COQ9: variants seen among roughly 807,000 people sequenced by gnomAD.
The protein encoded by COQ9 is ubiquinone biosynthesis protein COQ9, mitochondrial.
Under a neutral mutation model 42.4 loss-of-function variants are expected in COQ9, and 35 were observed. The observed-to-expected ratio is 0.83, with a 90% CI of 0.63 to 1.10. COQ9 has a LOEUF of 1.10. Among genes scored for constraint, COQ9 ranks in the 50% least tolerant of loss-of-function variants. The pLI is 0.00. For missense variants in COQ9, 406 were observed against 414.6 expected (o/e 0.98, Z 0.18); for synonymous variants, 155 against 155.1 (o/e 1.00, Z 0.00).
At chr16:57,454,073 C>T (rs2030348061) in intron 3 of COQ9, 1 of 152,140 alleles carries the variant, frequency 6.6e-6, no homozygotes, top group South Asian at 2.1e-4. Context: ...AATGGAGGGA[C>T]CCGATCATTA....
rs374849533 is a variant in COQ9 at position 57,459,760 on chromosome 16, G to C, written c.867+40G>C. ...GCCATTGGGGAACCCTCTTTAGAAGGCATACCTATTCTCCTCAGGTCACAG... is the reference window on the plus strand; with the variant it reads ...GCCATTGGGGAACCCTCTTTAGAAGCCATACCTATTCTCCTCAGGTCACAG... On this transcript the variant is annotated intron_variant, in intron 7 of 8. Coordinates refer to ENST00000262507, the MANE Select transcript of COQ9 (RefSeq NM_020312.4). 740 of 1,609,116 alleles carry C rather than the reference G, an allele frequency of 4.6e-4. 1 individual carries two copies. The highest frequency in any genetic ancestry group is 5.8e-4 in the Non-Finnish European group (680 of 1,175,682).
At chr16:57,457,174 A>T (rs775248682) in intron 5 of COQ9, 159 bp downstream of exon 5, 3 of 714,640 alleles carry the variant, frequency 4.2e-6, no homozygotes, top group Non-Finnish European at 7.6e-6. Flanking sequence ...CTGGGTTTCA[A>T]ACTTGGACAT....
At chr16:57,450,071 C>T (rs1241760306) in intron 1 of COQ9, among the ~76,000 whole-genome samples, 4 of 152,172 alleles carry the variant, frequency 2.6e-5, no homozygotes, top group Admixed American at 2.6e-4. Context: ...AACCTAGTGG[C>T]AGATATACAG....
rs1435279159 is a variant in COQ9 at position 57,458,272 on chromosome 16, C to T, written c.633C>T (p.His211=). 1 of 1,612,204 alleles carries T rather than the reference C, an allele frequency of 6.2e-7. No individual in the cohort carries two copies. The highest frequency in any genetic ancestry group is 8.5e-7 in the Non-Finnish European group (1 of 1,179,318). Reference sequence around the variant, plus strand: ...CCCTCAGCATCCTCATGCTCCCTCACAACATCCCGTCCAGCCTGAGCCTGC... The same window carrying T: ...CCCTCAGCATCCTCATGCTCCCTCATAACATCCCGTCCAGCCTGAGCCTGC... The part of the protein sequence containing the change: ...PRALSILMLP[H]NIPSSLSLLT... The change falls in exon 6 of 9, where the codon CAC becomes CAT. Residue 211 remains histidine (H), a synonymous_variant. Coordinates refer to ENST00000262507, the MANE Select transcript of COQ9 (RefSeq NM_020312.4).
intron 1 of COQ9, among the ~76,000 whole-genome samples, chr16:57,449,736 C>T (rs546109192): frequency 6.6e-6 from 1 of 152,152 alleles, no homozygotes; most frequent in East Asian, 1.9e-4. Context: ...AAAACTAAGA[C>T]AAGCAAAAAC....
chr16:57,459,147 A>T (rs926674013), intron 6 of COQ9, among the ~76,000 whole-genome samples: 2 of 152,166 alleles, frequency 1.3e-5, no homozygotes, highest in Non-Finnish European at 2.9e-5. Context: ...TCTGTCCATG[A>T]GCCTCTCTCA....
chr16:57,456,706 A>G, intron 4 of COQ9, 60 bp downstream of exon 4: 5 of 1,579,160 alleles, frequency 3.2e-6, no homozygotes, highest in Non-Finnish European at 4.3e-6. Flanking sequence ...CTTGGGCCCT[A>G]CCAGCTATGC....
chr16:57,456,280 T>C, intron 3 of COQ9: 2 of 564,478 alleles, frequency 3.5e-6, no homozygotes, highest in East Asian at 6.4e-5. Context: ...CCTGAGCTAG[T>C]CTCTGTGAAC....
rs762508784 is a variant in COQ9 at position 57,451,199 on chromosome 16, C to A, written c.233C>A (p.Ser78Ter). 1.2e-6 allele frequency: 2 copies of A among 1,614,216 alleles called. No individual in the cohort carries two copies. Among genetic ancestry groups the A allele is most frequent in the Non-Finnish European group, 1.7e-6 (2 of 1,180,038 alleles). The part of the protein sequence containing the change: ...AEKPDPESSH[S>*]PPRYTDQGGE... ...AAACCTGATCCAGAGTCTTCTCATT[C>A]ACCCCCCAGGTAGGCACCAATCCAC... The change falls in exon 2 of 9, where the codon TCA becomes TAA. Residue 78 changes from serine to a stop codon, truncating the protein, a stop_gained. Transcript: ENST00000262507. LOFTEE classifies it high-confidence loss of function.
intron 6 of COQ9, among the ~76,000 whole-genome samples, chr16:57,459,150 C>G (rs1325268879): frequency 6.6e-6 from 1 of 152,190 alleles, no homozygotes; most frequent in Non-Finnish European, 1.5e-5. Flanking sequence ...GTCCATGAGC[C>G]TCTCTCAGCC....
intron 5 of COQ9, 159 bp downstream of exon 5, chr16:57,457,174 A>G (rs775248682): frequency 3.1e-5 from 22 of 714,522 alleles, no homozygotes; most frequent in Non-Finnish European, 4.8e-5. Flanking sequence ...CTGGGTTTCA[A>G]ACTTGGACAT....
intron 5 of COQ9, chr16:57,457,427 T>A (rs2030431690): frequency 5.9e-6 from 2 of 339,948 alleles, no homozygotes; most frequent in Admixed American, 8.3e-5. Context: ...GTCAATGTGA[T>A]GCTTGGGGAC....
In COQ9 at chr16:57,461,254, A is replaced by C. The variant is rs886052184; in HGVS notation, c.*630A>C. 2 of 430,014 alleles carry C rather than the reference A, an allele frequency of 4.7e-6. No homozygotes were observed. Among genetic ancestry groups the C allele is most frequent in the East Asian group, 1.5e-4 (2 of 13,718 alleles). 26.6% of individuals were successfully genotyped at this position (430,014 alleles called of 1,614,324 possible). A position where few individuals can be genotyped will look rare whatever the true frequency, so the allele number is the denominator to read the frequency against. On this transcript the variant is annotated 3_prime_UTR_variant, in exon 9 of 9. Coordinates refer to ENST00000262507, the MANE Select transcript of COQ9 (RefSeq NM_020312.4). Reference sequence around the variant, plus strand: ...TATTTTGAGTCTGTAAAAATAATAAATATGTTTGAAGTAGTTTCCCATTGT... The same window carrying C: ...TATTTTGAGTCTGTAAAAATAATAACTATGTTTGAAGTAGTTTCCCATTGT...
chr16:57,455,375 A>AGT (rs2030377774), intron 3 of COQ9, among the ~76,000 whole-genome samples: 1 of 146,666 alleles, frequency 6.8e-6, no homozygotes, highest in East Asian at 2.0e-4. Context: ...ATATATATAC[A>AGT]GTATATATAT....
chr16:57,448,494 G>A (rs1425892708), intron 1 of COQ9, among the ~76,000 whole-genome samples: 1 of 151,874 alleles, frequency 6.6e-6, no homozygotes, highest in Non-Finnish European at 1.5e-5. Flanking sequence ...TACAATCTCG[G>A]CTCACTGCAG....
chr16:57,447,710 G>C (rs1364849530), intron 1 of COQ9, 132 bp downstream of exon 1: 2 of 789,362 alleles, frequency 2.5e-6, no homozygotes, highest in Middle Eastern at 4.1e-4. Flanking sequence ...AAGGGCATCG[G>C]CGCGGGCTCG....
intron 3 of COQ9, 111 bp downstream of exon 3, chr16:57,453,047 C>G: frequency 7.1e-7 from 1 of 1,408,828 alleles, no homozygotes; most frequent in Non-Finnish European, 1.0e-6. Context: ...GAGCCCCTCA[C>G]AGCTGCAAGA....
chr16:57,458,880 T>C (rs1305189719), intron 6 of COQ9, among the ~76,000 whole-genome samples: 1 of 152,108 alleles, frequency 6.6e-6, no homozygotes, highest in Non-Finnish European at 1.5e-5. Context: ...TAAAAGAAAA[T>C]GTGATGATAC....
At chr16:57,450,412 C>CAA (rs59815351) in intron 1 of COQ9, among the ~76,000 whole-genome samples, 3,398 of 92,390 alleles carry the variant, frequency 0.037, 116 homozygotes, top group Non-Finnish European at 0.056. Flanking sequence ...GAGACTCTGA[C>CAA]AAAAAAAAAA....
Sources: gnomAD v4.1 joint callset for allele counts (sites outside exome capture counted in the v4.1 genomes callset) on GRCh38, gnomAD v4.1.1 for gene constraint, MANE v1.5 for transcripts, NCBI Gene and HGNC (gene_info 2026-07-23, HGNC 2026-07-21) for gene names.